GRB10: variants seen among roughly 807,000 people sequenced by gnomAD.
GRB10 encodes the protein growth factor receptor-bound protein 10.
GRB10 carries 20 observed loss-of-function variants against 80.9 expected under a neutral mutation model. The observed-to-expected ratio is 0.25, with a 90% CI of 0.17 to 0.36. The LOEUF (loss-of-function observed/expected upper bound fraction) is 0.36. GRB10 is among the 10% of genes least tolerant of loss of function. The pLI is 1.00. For missense variants in GRB10, 548 were observed against 747.7 expected, an observed-to-expected ratio of 0.73 and a Z score of 3.12; for synonymous variants, 291 against 291.5, an observed-to-expected ratio of 1.00 and a Z score of 0.02.
chr7:50,708,024 C>A (rs190144269), intron 4 of GRB10, among the ~76,000 whole-genome samples: 3 of 152,272 alleles, frequency 2.0e-5, no homozygotes, highest in Admixed American at 2.0e-4. Flanking sequence ...ACAGGATGTC[C>A]AATTAAATTT....
chr7:50,694,502 A>T (rs1209761461), intron 5 of GRB10, among the ~76,000 whole-genome samples: 2 of 152,178 alleles, frequency 1.3e-5, no homozygotes, highest in Non-Finnish European at 2.9e-5. Context: ...ATCTCTCAAT[A>T]GAGTGAATGA....
At chr7:50,594,221 A>C (rs577994732) in intron 18 of GRB10, among the ~76,000 whole-genome samples, 36 of 152,300 alleles carry the variant, frequency 2.4e-4, no homozygotes, top group African/African-American at 8.7e-4. Context: ...CGGTGCAGGA[A>C]AAGCCACTGA....
At chr7:50,722,427 T>A (rs1158005651) in intron 4 of GRB10, among the ~76,000 whole-genome samples, 5 of 152,224 alleles carry the variant, frequency 3.3e-5, no homozygotes, top group African/African-American at 1.2e-4. Flanking sequence ...AGAGCATCTG[T>A]AGTCCCATGA....
rs772633140 is a variant in GRB10, at chr7:50,612,785, C to T, written c.1150G>A (p.Glu384Lys). The change falls in exon 13 of 19, where the codon GAG becomes AAG. Residue 384 changes from glutamate (E) to lysine (K), a missense_variant. Coordinates refer to ENST00000401949, the MANE Select transcript of GRB10 (RefSeq NM_001350814.2). ...GTCATCCAGCACGTCCTGGTTTGCT[C>T]GTCCTCTGCACAGAGCAACCTCAGC... is the stretch of plus-strand genomic sequence containing the variant. ...KELRLLCAED[E>K]QTRTCWMTAF... 9 of 1,614,068 alleles carry T rather than the reference C, an allele frequency of 5.6e-6. No individual in the cohort carries two copies. Among genetic ancestry groups the T allele is most frequent in the Admixed American group, 3.3e-5 (2 of 60,024 alleles).
chr7:50,661,572 G>A (rs1332271082), intron 7 of GRB10, among the ~76,000 whole-genome samples: 1 of 152,098 alleles, frequency 6.6e-6, no homozygotes, highest in Non-Finnish European at 1.5e-5. Flanking sequence ...TTTCTTCACC[G>A]GCACTCTTCT....
chr7:50,759,066 GACTGTAGTCCCAGCT>G (rs2075428730), intron 2 of GRB10, among the ~76,000 whole-genome samples: 1 of 151,870 alleles, frequency 6.6e-6, no homozygotes, highest in Non-Finnish European at 1.5e-5. Flanking sequence ...GGTGGTGGGT[GACTGTAGTCCCAGCT>G]ACTTAGGAGG....
rs138085929 is a variant in GRB10 at position 50,754,853 on chromosome 7, G to A, written c.-47+1034C>T. On this transcript the variant is annotated intron_variant, in intron 3 of 18. Transcript: ENST00000401949. ...GAATGTGACTGTATTTGGAAACAGA[G>A]CCTTTACAGAGGTCACTAAGTTAAA... 1.4e-3 allele frequency among the ~76,000 whole-genome samples: 218 copies of A among 152,286 alleles called. 5 individuals are homozygous for A. In the East Asian group the frequency reaches 0.036, roughly 25 times the overall value.
At chr7:50,656,624 A>C (rs1208975283) in intron 7 of GRB10, among the ~76,000 whole-genome samples, 2 of 152,226 alleles carry the variant, frequency 1.3e-5, no homozygotes, top group East Asian at 3.8e-4. Flanking sequence ...GAGTCCCTGC[A>C]AACAGCTGCT....
intron 2 of GRB10, among the ~76,000 whole-genome samples, chr7:50,759,717 C>G (rs1227579767): frequency 6.6e-6 from 1 of 152,100 alleles, no homozygotes; most frequent in African/African-American, 2.4e-5. Flanking sequence ...AATAGCAGAG[C>G]GGCTGTACTT....
intron 17 of GRB10, among the ~76,000 whole-genome samples, chr7:50,600,693 T>G (rs1331100246): frequency 6.6e-6 from 1 of 152,084 alleles, no homozygotes; most frequent in Non-Finnish European, 1.5e-5. Context: ...CTTAACTGAT[T>G]AGAAAAATGG....
chr7:50,725,763 T>A (rs1027368043), intron 4 of GRB10, among the ~76,000 whole-genome samples: 3 of 152,226 alleles, frequency 2.0e-5, no homozygotes, highest in African/African-American at 7.2e-5. Context: ...TGATTAGATA[T>A]GTCCTTCTAA....
intron 12 of GRB10, among the ~76,000 whole-genome samples, chr7:50,613,056 G>C (rs1415429733): frequency 6.6e-6 from 1 of 152,194 alleles, no homozygotes; most frequent in Non-Finnish European, 1.5e-5. Context: ...CTGGCCCCAG[G>C]TTGTGTACCA....
At chr7:50,742,314 C>CACACACACAT (rs1563676656) in intron 3 of GRB10, among the ~76,000 whole-genome samples, 82 of 147,990 alleles carry the variant, frequency 5.5e-4, no homozygotes, top group African/African-American at 2.0e-3. Context: ...CACACACACA[C>CACACACACAT]ATACACGGCA....
chr7:50,700,337 T>G (rs906760160), intron 5 of GRB10, among the ~76,000 whole-genome samples: 1 of 152,236 alleles, frequency 6.6e-6, no homozygotes, highest in Non-Finnish European at 1.5e-5. Context: ...AGATTTCCAT[T>G]TTTTCGTTCA....
intron 5 of GRB10, among the ~76,000 whole-genome samples, chr7:50,698,928 A>T (rs1028177043): frequency 6.6e-6 from 1 of 152,228 alleles, no homozygotes; most frequent in Non-Finnish European, 1.5e-5. Context: ...CTGATCCATG[A>T]TCATAATATA....
intron 9 of GRB10, among the ~76,000 whole-genome samples, chr7:50,618,501 A>T (rs1172993210): frequency 6.6e-6 from 1 of 152,216 alleles, no homozygotes; most frequent in Non-Finnish European, 1.5e-5. Flanking sequence ...GTCACGAGAA[A>T]AGCCTGTTCT....
At chr7:50,704,582 T>C (rs1268941316) in intron 4 of GRB10, among the ~76,000 whole-genome samples, 1 of 152,260 alleles carries the variant, frequency 6.6e-6, no homozygotes, top group Admixed American at 6.5e-5. Context: ...GACATCTTTA[T>C]GATGCATATG....
At chr7:50,747,089 C>T (rs1587800987) in intron 3 of GRB10, among the ~76,000 whole-genome samples, 1 of 152,336 alleles carries the variant, frequency 6.6e-6, no homozygotes, top group Non-Finnish European at 1.5e-5. Context: ...TCCAAAGCCC[C>T]AGTTTCTGCA....
intron 3 of GRB10, among the ~76,000 whole-genome samples, chr7:50,748,256 G>T (rs55967837): frequency 0.1 from 15,172 of 152,220 alleles, 2,551 homozygotes; most frequent in African/African-American, 0.34. Context: ...GCACCCTGGA[G>T]GAGGCCCCGT....
Sources: allele counts gnomAD v4.1 joint callset (sites outside exome capture counted in the v4.1 genomes callset), GRCh38; gene constraint gnomAD v4.1.1; transcripts MANE v1.5; gene names NCBI Gene and HGNC (gene_info 2026-07-23, HGNC 2026-07-21).